The following TNNI3K variants were observed in gnomAD, a reference collection of about 807,000 sequenced individuals.
The protein encoded by TNNI3K is serine/threonine-protein kinase TNNI3K.
In TNNI3K, 140 loss-of-function variants were observed where a neutral mutation model predicts 114.5. The observed-to-expected ratio is 1.22, with a 90% CI of 1.07 to 1.41. The LOEUF (loss-of-function observed/expected upper bound fraction) is 1.41. TNNI3K is among the 40% of genes most tolerant of loss of function. TNNI3K has a pLI of 0.00. For missense variants in TNNI3K, 1,125 were observed against 1,007.6 expected, an observed-to-expected ratio of 1.12 and a Z score of -1.58; for synonymous variants, 347 against 347.5, an observed-to-expected ratio of 1.00 and a Z score of 0.02.
intron 20 of TNNI3K, 116 bp from the exon 21 acceptor site, chr1:74,463,325 T>C: frequency 1.9e-6 from 2 of 1,069,194 alleles, no homozygotes; most frequent in Non-Finnish European, 2.8e-6. Flanking sequence ...TCTCTTTGAA[T>C]GTCTGCTGAT....
At chr1:74,441,923 T>G (rs906761502) in intron 20 of TNNI3K, among the ~76,000 whole-genome samples, 1 of 152,130 alleles carries the variant, frequency 6.6e-6, no homozygotes, top group Non-Finnish European at 1.5e-5. Flanking sequence ...CCTTTTTGTA[T>G]TCTCAGCAAT....
chr1:74,290,034 A>C (rs571322089), intron 5 of TNNI3K, among the ~76,000 whole-genome samples: 116 of 151,822 alleles, frequency 7.6e-4, no homozygotes, highest in Admixed American at 2.4e-3. Context: ...AGTTGCTTCT[A>C]ACTTTTCTGG....
intron 20 of TNNI3K, among the ~76,000 whole-genome samples, chr1:74,442,156 C>A (rs1666402044): frequency 6.6e-6 from 1 of 151,492 alleles, no homozygotes; most frequent in Non-Finnish European, 1.5e-5. Flanking sequence ...ATTTGGTATT[C>A]TTTGGTTTAT....
rs1014324757 is a variant in TNNI3K, at chr1:74,445,609, T to C, written c.2011+5987T>C. Among the ~76,000 whole-genome samples, 71 of 135,530 alleles carry C rather than the reference T, an allele frequency of 5.2e-4. 2 individuals carry two copies. Among genetic ancestry groups the C allele is most frequent in the African/African-American group, 2.0e-3 (67 of 33,886 alleles). 88.9% of individuals were successfully genotyped at this position (135,530 alleles called of 152,430 possible). On this transcript the variant is annotated intron_variant, in intron 20 of 24. Transcript: ENST00000326637. Reference sequence around the variant, plus strand: ...TGTATATGTTCCACATTTTCTTTTTTTTCTTTTTTTCTTTTTTTTGAGACG... The same window carrying C: ...TGTATATGTTCCACATTTTCTTTTTCTTCTTTTTTTCTTTTTTTTGAGACG...
intron 19 of TNNI3K, among the ~76,000 whole-genome samples, chr1:74,438,435 G>A (rs952341543): frequency 2.6e-5 from 4 of 152,064 alleles, no homozygotes; most frequent in African/African-American, 9.7e-5. Context: ...TGGTAAGAGT[G>A]ATAAAAGAAT....
In TNNI3K at chr1:74,271,403, C is replaced by T. The variant is rs12022367; in HGVS notation, c.334-195C>T. ...GAGGATTGATTAGAACTGAACACCTCTGTCATTTGGTCCTACTTTCCACCA... is the reference window on the plus strand; with the variant it reads ...GAGGATTGATTAGAACTGAACACCTTTGTCATTTGGTCCTACTTTCCACCA... On this transcript the variant is annotated intron_variant, in intron 4 of 24. Coordinates refer to ENST00000326637, the MANE Select transcript of TNNI3K (RefSeq NM_015978.3). Among the ~76,000 whole-genome samples, 71 of 152,006 alleles carry T rather than the reference C, an allele frequency of 4.7e-4. 1 individual carries two copies. The East Asian group carries it at 0.011, about 23-fold the overall frequency.
rs765014032 is a variant in TNNI3K, at chr1:74,354,044, T to G, written c.1092T>G (p.Ala364=). Residue 364 remains alanine (A), a synonymous_variant, in exon 11 of 25, where the codon GCT becomes GCG. Transcript: ENST00000326637. The part of the protein sequence containing the change: ...RLVQFLLDNG[A]DMNLVACDPS... ...TTCAGTTCTTACTGGATAATGGAGCTGATATGAATCTAGTGGCTTGTGATC... is the reference window on the plus strand; with the variant it reads ...TTCAGTTCTTACTGGATAATGGAGCGGATATGAATCTAGTGGCTTGTGATC... 6.2e-7 allele frequency: 1 copy of G among 1,614,164 alleles called. No individual in the cohort carries two copies. Among genetic ancestry groups the G allele is most frequent in the South Asian group, 1.1e-5 (1 of 91,080 alleles).
At chr1:74,296,071 C>T (rs1194572663) in intron 5 of TNNI3K, among the ~76,000 whole-genome samples, 1 of 109,968 alleles carries the variant, frequency 9.1e-6, no homozygotes, top group Admixed American at 1.1e-4. Flanking sequence ...GTCAGAAGAT[C>T]GAGACCATCC....
chr1:74,367,299 A>G lies in TNNI3K; in HGVS notation c.1221A>G (p.Pro407=), dbSNP rs748506966. The change falls in exon 12 of 25, where the codon CCA becomes CCG. Residue 407 remains proline, a synonymous_variant. Transcript: ENST00000326637. ...CACTCCTGAAGCATTATAAGAGACC[A>G]CAAGATGAATTGCCCTGTAATGAAT... ...IVTLLKHYKR[P]QDELPCNEYS... is the part of the protein sequence containing the mutation. The G allele has an allele frequency of 2.5e-6, 4 of 1,612,278 alleles. No homozygotes were observed. In the South Asian group the frequency reaches 4.4e-5, roughly 18 times the overall value.
At chr1:74,276,484 G>A (rs1057479663) in intron 5 of TNNI3K, among the ~76,000 whole-genome samples, 2 of 152,020 alleles carry the variant, frequency 1.3e-5, no homozygotes, top group African/African-American at 4.8e-5. Context: ...AAGGATCCCA[G>A]GTATCAAAAA....
intron 17 of TNNI3K, among the ~76,000 whole-genome samples, chr1:74,409,128 A>G (rs753488859): frequency 6.6e-6 from 1 of 152,212 alleles, no homozygotes. Context: ...CAACATCCCT[A>G]TAAGATAGAA....
At chr1:74,262,525 T>G (rs1655739562) in intron 4 of TNNI3K, among the ~76,000 whole-genome samples, 1 of 148,262 alleles carries the variant, frequency 6.7e-6, no homozygotes, top group Non-Finnish European at 1.5e-5. Flanking sequence ...AAGATAGTAA[T>G]AAGAAATAAT....
chr1:74,492,200 C>T lies in TNNI3K; in HGVS notation c.2285C>T (p.Ala762Val). ...GGACCTGGCCGGAGTCATGTGGCAG[C>T]ATTAAGAAGTCGTTTCGAATTGGAA... ...RGGPGRSHVA[A>V]LRSRFELEYA... Residue 762 changes from alanine (A) to valine (V), a missense_variant, in exon 23 of 25, where the codon GCA (alanine) becomes GTA (valine). By Grantham distance (64) the Ala-to-Val change is moderately conservative (BLOSUM62 0). Transcript: ENST00000326637. 1 of 1,612,666 alleles carries T rather than the reference C, an allele frequency of 6.2e-7. No individual in the cohort carries two copies.
At position 74,271,338 on chromosome 1, in the gene TNNI3K, C is replaced by T. The variant is rs1299938307; in HGVS notation, c.334-260C>T. Among the ~76,000 whole-genome samples, 3 of 151,960 alleles carry T rather than the reference C, an allele frequency of 2.0e-5. No homozygotes were observed. The East Asian group carries it at 5.8e-4, about 29-fold the overall frequency. ...GAGTTTGTGGTTGCAAGAGTCTCAC[C>T]ATAGGTAATGTCCTTTCTGTCTTTC... On this transcript the variant is annotated intron_variant, in intron 4 of 24. Transcript: ENST00000326637.
chr1:74,360,098 C>CT (rs557311437), intron 11 of TNNI3K, among the ~76,000 whole-genome samples: 20 of 150,916 alleles, frequency 1.3e-4, no homozygotes, highest in Middle Eastern at 3.4e-3. Flanking sequence ...ATCCTTTTTT[C>CT]TTTTTTTTTA....
chr1:74,238,539 G>C (rs1653997718), intron 2 of TNNI3K, among the ~76,000 whole-genome samples: 1 of 152,030 alleles, frequency 6.6e-6, no homozygotes, highest in Admixed American at 6.6e-5. Flanking sequence ...AAGAGTGAAA[G>C]TTTTTATGAA....
chr1:74,444,445 G>GA (rs959662517), intron 20 of TNNI3K, among the ~76,000 whole-genome samples: 11 of 149,802 alleles, frequency 7.3e-5, no homozygotes, highest in East Asian at 3.9e-4. Context: ...GCTACAAAGA[G>GA]AAAAAAAAAC....
At chr1:74,394,541 C>T (rs767980394) in intron 17 of TNNI3K, among the ~76,000 whole-genome samples, 3 of 152,104 alleles carry the variant, frequency 2.0e-5, no homozygotes, top group Non-Finnish European at 4.4e-5. Context: ...TTGTCAGCAA[C>T]CCCCTTTCCC....
At chr1:74,335,440 T>A (rs922971822) in intron 6 of TNNI3K, among the ~76,000 whole-genome samples, 28 of 152,190 alleles carry the variant, frequency 1.8e-4, no homozygotes, top group Middle Eastern at 3.2e-3. Flanking sequence ...ATATTTTTTT[T>A]CTTCCTTGCT....
Sources: allele counts gnomAD v4.1 joint callset (sites outside exome capture counted in the v4.1 genomes callset), GRCh38; gene constraint gnomAD v4.1.1; transcripts MANE v1.5; gene names NCBI Gene and HGNC (gene_info 2026-07-23, HGNC 2026-07-21).